The following TENM4 variants were observed in gnomAD, a reference collection of about 807,000 sequenced individuals.
The protein encoded by TENM4 is teneurin-4.
Under a neutral mutation model 243.3 loss-of-function variants are expected in TENM4, and 82 were observed. That is an observed-to-expected ratio of 0.34 (90% confidence interval 0.28 to 0.40). The LOEUF (loss-of-function observed/expected upper bound fraction) is 0.40. Ranked by LOEUF, TENM4 falls within the 10% of genes least tolerant of loss-of-function variation. The probability of loss-of-function intolerance (pLI) is 1.00; values close to 1 mark genes in which losing one functional copy is unlikely to be tolerated. For missense variants in TENM4, 3,138 were observed against 3,673.3 expected (o/e 0.85, Z 3.77); for synonymous variants, 1,412 against 1,456.3 (o/e 0.97, Z 0.69).
chr11:78,805,282 C>CCCCCCCCCCCCCCCCCCCCCCCAAAA lies in TENM4; in HGVS notation c.2179+9_2179+10insTTTTGGGGGGGGGGGGGGGGGGGGGG. The CCCCCCCCCCCCCCCCCCCCCCCAAAA allele has an allele frequency of 2.0e-6, 2 of 995,564 alleles. No homozygotes were observed. The highest frequency in any genetic ancestry group is 2.4e-6 in the Non-Finnish European group (2 of 823,788). 61.7% of individuals were successfully genotyped at this position (995,564 alleles called of 1,614,324 possible). ...CCCTCTACCCATGCTTCTTCTCCCC[C>CCCCCCCCCCCCCCCCCCCCCCCAAAA]TGCATTTACCGATAGAACAGTCGTG... is the stretch of plus-strand genomic sequence containing the variant. On this transcript the variant is annotated intron_variant, in intron 15 of 33. Coordinates refer to ENST00000278550, the MANE Select transcript of TENM4 (RefSeq NM_001098816.3).
intron 4 of TENM4, among the ~76,000 whole-genome samples, chr11:79,075,795 G>A (rs969915031): frequency 2.0e-5 from 3 of 152,190 alleles, no homozygotes; most frequent in South Asian, 2.1e-4. Flanking sequence ...CAGACATGGC[G>A]CAGTGTTCTG....
intron 6 of TENM4, among the ~76,000 whole-genome samples, chr11:78,933,019 A>G (rs997020935): frequency 2.6e-5 from 4 of 152,092 alleles, no homozygotes; most frequent in Non-Finnish European, 4.4e-5. Flanking sequence ...GAGCTGTTCC[A>G]CAGGGGAGAT....
At chr11:79,366,733 AC>A (rs1246953079) in intron 1 of TENM4, among the ~76,000 whole-genome samples, 1 of 152,210 alleles carries the variant, frequency 6.6e-6, no homozygotes, top group African/African-American at 2.4e-5. Context: ...CTGGGAAGGT[AC>A]TATATTCTTT....
At chr11:78,854,608 G>A (rs1483530377) in intron 11 of TENM4, among the ~76,000 whole-genome samples, 1 of 152,094 alleles carries the variant, frequency 6.6e-6, no homozygotes, top group African/African-American at 2.4e-5. Context: ...CCCTGGCTGA[G>A]TCTGTACCAG....
chr11:79,163,122 T>A lies in TENM4; in HGVS notation c.-162-14316A>T, dbSNP rs144832826. Among the ~76,000 whole-genome samples the A allele has an allele frequency of 8.7e-4, 133 of 152,110 alleles. 1 individual carries two copies. Among genetic ancestry groups the A allele is most frequent in the Middle Eastern group, 3.4e-3 (1 of 294 alleles). ...ACACCTGACCCCACATACCAGTTCA[T>A]TGGGAGGACAGAATTTCCCTCTGCC... On this transcript the variant is annotated intron_variant, in intron 3 of 33. Coordinates refer to ENST00000278550, the MANE Select transcript of TENM4 (RefSeq NM_001098816.3).
At position 78,669,428 on chromosome 11, in the gene TENM4, T is replaced by G. The variant is rs771510269; in HGVS notation, c.6917A>C (p.His2306Pro). 4 of 1,612,886 alleles carry G rather than the reference T, an allele frequency of 2.5e-6. No individual in the cohort carries two copies. The highest frequency in any genetic ancestry group is 1.7e-5 in the Admixed American group (1 of 59,958). Residue 2306 changes from histidine to proline, a missense_variant, in exon 32 of 34, where the codon CAC becomes CCC. Physicochemically the swap from His to Pro is moderately conservative, Grantham distance 77. Around this residue, in one of 2 missense-constraint regions of TENM4, gnomAD observed 2,467 missense variants for 3,059.1 expected, o/e 0.81. Coordinates refer to ENST00000278550, the MANE Select transcript of TENM4 (RefSeq NM_001098816.3). This position sits in a 1 kb window ranked among gnomAD's most constrained non-coding sequence, Gnocchi z 6.4. ...LGRRVSSKSS[H>P]SHHLQFFYAD... The stretch of plus-strand genomic sequence containing the variant: ...ATAGAAGAACTGCAGGTGGTGGCTG[T>G]GGCTGCTCTTGCTGGACACGCGCCG...
intron 6 of TENM4, among the ~76,000 whole-genome samples, chr11:79,001,121 G>A (rs1858311891): frequency 6.6e-6 from 1 of 152,166 alleles, no homozygotes; most frequent in African/African-American, 2.4e-5. Flanking sequence ...CTGATATTGT[G>A]ACAGCAGATA....
At chr11:78,702,563 G>A (rs1196875072) in intron 27 of TENM4, among the ~76,000 whole-genome samples, 160 bp from the exon 28 acceptor site, 1 of 152,156 alleles carries the variant, frequency 6.6e-6, no homozygotes, top group African/African-American at 2.4e-5. Context: ...TCAGCCCCCT[G>A]ATCACCGGGA....
In TENM4 at chr11:78,662,234, G is replaced by A. The variant is rs1033032753; in HGVS notation, c.7409-643C>T. Among the ~76,000 whole-genome samples, 3 of 148,214 alleles carry A rather than the reference G, an allele frequency of 2.0e-5. No homozygotes were observed. The East Asian group carries it at 5.9e-4, about 29-fold the overall frequency. ...TGAGATGGAGTCTTGCTCTGTCACC[G>A]AGGCTGGAGTGCAGTGGCGTGATCT... On this transcript the variant is annotated intron_variant, in intron 32 of 33. Transcript: ENST00000278550.
intron 4 of TENM4, among the ~76,000 whole-genome samples, chr11:79,103,597 G>A (rs187621778): frequency 4.2e-4 from 64 of 152,276 alleles, no homozygotes; most frequent in African/African-American, 1.4e-3. Flanking sequence ...ATGCACCATC[G>A]ATTCAGTAAT....
At chr11:78,867,504 G>A (rs552099424) in intron 9 of TENM4, among the ~76,000 whole-genome samples, 1 of 152,316 alleles carries the variant, frequency 6.6e-6, no homozygotes, top group Non-Finnish European at 1.5e-5. Context: ...GAGGGGGAGA[G>A]GGAAGGGAGA....
intron 1 of TENM4, among the ~76,000 whole-genome samples, chr11:79,304,304 G>A (rs569776995): frequency 6.6e-6 from 1 of 152,336 alleles, no homozygotes; most frequent in African/African-American, 2.4e-5. Context: ...TGAGCTGGAC[G>A]TATGGCTCAG....
At chr11:78,945,327 T>C (rs1856985385) in intron 6 of TENM4, among the ~76,000 whole-genome samples, 1 of 152,218 alleles carries the variant, frequency 6.6e-6, no homozygotes, top group Admixed American at 6.5e-5. Context: ...TATGGTGATC[T>C]GTGATCAGTG....
At chr11:79,366,232 C>T (rs1857674745) in intron 1 of TENM4, among the ~76,000 whole-genome samples, 1 of 152,224 alleles carries the variant, frequency 6.6e-6, no homozygotes, top group Non-Finnish European at 1.5e-5. Context: ...AGCGGAGGTG[C>T]AGAGCCTTCC....
chr11:79,264,216 G>T (rs988755918), intron 2 of TENM4, among the ~76,000 whole-genome samples: 2 of 152,126 alleles, frequency 1.3e-5, no homozygotes, highest in African/African-American at 4.8e-5. Flanking sequence ...TGGCCGGCAC[G>T]GGTGCTTTAC....
chr11:78,766,606 T>A (rs1316664118), intron 18 of TENM4, among the ~76,000 whole-genome samples: 2 of 152,046 alleles, frequency 1.3e-5, no homozygotes, highest in African/African-American at 4.8e-5. Flanking sequence ...ACGTGAGGGA[T>A]CTTGTTTCCA....
chr11:78,935,868 C>T (rs1856771951), intron 6 of TENM4, among the ~76,000 whole-genome samples: 1 of 152,170 alleles, frequency 6.6e-6, no homozygotes, highest in Non-Finnish European at 1.5e-5. Flanking sequence ...TTCGGTTTTG[C>T]AACCGTTGAA....
chr11:79,164,590 A>G, intron 3 of TENM4, among the ~76,000 whole-genome samples: 1 of 144,180 alleles, frequency 6.9e-6, no homozygotes, highest in East Asian at 2.0e-4. Flanking sequence ...ATACATATAT[A>G]TATCTATATA....
chr11:79,344,377 C>A (rs528148166), intron 1 of TENM4, among the ~76,000 whole-genome samples: 1 of 152,212 alleles, frequency 6.6e-6, no homozygotes, highest in East Asian at 1.9e-4. Context: ...GGAGTCTGAC[C>A]TGGGCATGCA....
Sources: allele counts gnomAD v4.1 joint callset (sites outside exome capture counted in the v4.1 genomes callset), GRCh38; gene constraint gnomAD v4.1.1; regional missense constraint gnomAD v4.1.1; non-coding constraint Gnocchi (gnomAD v3.1); transcripts MANE v1.5; gene names NCBI Gene and HGNC (gene_info 2026-07-23, HGNC 2026-07-21).